The following TMEM196 variants were observed in gnomAD, a reference collection of about 807,000 sequenced individuals.
TMEM196 encodes the protein transmembrane protein 196.
In TMEM196, 17 loss-of-function variants were observed where a neutral mutation model predicts 20.0. The observed-to-expected ratio is 0.85, with a 90% CI of 0.58 to 1.27. TMEM196 has a LOEUF of 1.27. Ranked by LOEUF, TMEM196 falls within the 50% of genes most tolerant of loss-of-function variation. The pLI, the probability that TMEM196 is intolerant of heterozygous loss-of-function variation, is 0.00. For synonymous variants in TMEM196, 113 were observed against 88.9 expected (o/e 1.27, Z -1.52); for missense variants, 267 against 223.0 (o/e 1.20, Z -1.26).
In TMEM196 at chr7:19,724,365, A is replaced by G. The variant is rs1233103703; in HGVS notation, c.460-12T>C. The G allele has an allele frequency of 6.5e-7, 1 of 1,549,130 alleles. No homozygotes were observed. Among genetic ancestry groups the G allele is most frequent in the Non-Finnish European group, 8.7e-7 (1 of 1,145,708 alleles). On this transcript the variant is annotated splice_polypyrimidine_tract_variant and intron_variant, in intron 3 of 4. Coordinates refer to ENST00000405844, the MANE Select transcript of TMEM196 (RefSeq NM_001363562.2). ...ATAGCCCTCAATCTCTAATGTAAAT[A>G]TAACAATCATACAATAAATATTGCA... is the stretch of plus-strand genomic sequence containing the variant.
At chr7:19,736,337 T>G (rs964200442) in intron 1 of TMEM196, among the ~76,000 whole-genome samples, 1 of 111,240 alleles carries the variant, frequency 9.0e-6, no homozygotes. Flanking sequence ...AGATCCCACT[T>G]TTCTAGTGGT....
chr7:19,760,764 T>C (rs1449561706), intron 1 of TMEM196, among the ~76,000 whole-genome samples: 1 of 152,220 alleles, frequency 6.6e-6, no homozygotes, highest in African/African-American at 2.4e-5. Flanking sequence ...TCAGGGATTA[T>C]GGTTATTTTA....
At chr7:19,762,825 G>C (rs1785487908) in intron 1 of TMEM196, among the ~76,000 whole-genome samples, 2 of 152,128 alleles carry the variant, frequency 1.3e-5, no homozygotes, top group African/African-American at 4.8e-5. Flanking sequence ...AGGGGATTAA[G>C]GAATGGAAGT....
chr7:19,730,307 T>C (rs1027685013), intron 1 of TMEM196, among the ~76,000 whole-genome samples: 2 of 151,254 alleles, frequency 1.3e-5, no homozygotes, highest in Admixed American at 6.6e-5. Flanking sequence ...ATTGATAGCA[T>C]ATTATTTCTT....
intron 1 of TMEM196, among the ~76,000 whole-genome samples, chr7:19,736,136 C>A (rs1784391032): frequency 1.3e-5 from 2 of 151,778 alleles, no homozygotes; most frequent in Non-Finnish European, 2.9e-5. Context: ...TACTCTACTT[C>A]ACTCACCTTT....
intron 1 of TMEM196, among the ~76,000 whole-genome samples, chr7:19,753,927 GC>G (rs1785096462): frequency 1.3e-5 from 2 of 152,080 alleles, no homozygotes; most frequent in South Asian, 4.2e-4. Context: ...TTCCAGGTTT[GC>G]CACCGAAGGC....
intron 1 of TMEM196, among the ~76,000 whole-genome samples, chr7:19,746,331 G>T (rs539739487): frequency 6.6e-6 from 1 of 152,286 alleles, no homozygotes; most frequent in African/African-American, 2.4e-5. Context: ...GATAAGACTG[G>T]TACAAATCTG....
intron 1 of TMEM196, among the ~76,000 whole-genome samples, chr7:19,757,681 C>T (rs1173586899): frequency 6.6e-6 from 1 of 151,874 alleles, no homozygotes; most frequent in Non-Finnish European, 1.5e-5. Flanking sequence ...TAAAGTTACT[C>T]CTTTTTTTTA....
chr7:19,748,274 A>G (rs1190180869), intron 1 of TMEM196, among the ~76,000 whole-genome samples: 1 of 149,166 alleles, frequency 6.7e-6, no homozygotes, highest in Non-Finnish European at 1.5e-5. Flanking sequence ...AAAAAAAAAA[A>G]AAAAAAAAAA....
intron 1 of TMEM196, among the ~76,000 whole-genome samples, chr7:19,741,452 C>T (rs547474955): frequency 9.2e-5 from 14 of 152,266 alleles, no homozygotes; most frequent in African/African-American, 3.1e-4. Flanking sequence ...AGGCACATAA[C>T]TGGGTGCAAT....
At chr7:19,734,448 T>C (rs1784325714) in intron 1 of TMEM196, among the ~76,000 whole-genome samples, 2 of 152,178 alleles carry the variant, frequency 1.3e-5, no homozygotes, top group South Asian at 4.1e-4. Flanking sequence ...GCCAATGTGA[T>C]TGAATTAAGT....
intron 1 of TMEM196, among the ~76,000 whole-genome samples, chr7:19,740,407 G>C (rs1784544789): frequency 6.6e-6 from 1 of 152,122 alleles, no homozygotes; most frequent in Non-Finnish European, 1.5e-5. Flanking sequence ...ACCTGATCAA[G>C]GGGACTGAAC....
chr7:19,758,295 G>A (rs916168849), intron 1 of TMEM196, among the ~76,000 whole-genome samples: 1 of 152,104 alleles, frequency 6.6e-6, no homozygotes, highest in Non-Finnish European at 1.5e-5. Context: ...TGCCAAAATT[G>A]GTGTAGAAAG....
At chr7:19,723,552 G>C in intron 4 of TMEM196, among the ~76,000 whole-genome samples, 1 of 152,134 alleles carries the variant, frequency 6.6e-6, no homozygotes, top group Non-Finnish European at 1.5e-5. Flanking sequence ...GGAAAGAAGA[G>C]TGAAAATTCG....
chr7:19,766,736 C>CAT (rs1001850751), intron 1 of TMEM196, among the ~76,000 whole-genome samples: 1 of 151,448 alleles, frequency 6.6e-6, no homozygotes, highest in African/African-American at 2.4e-5. Flanking sequence ...TACACACACA[C>CAT]ACACATCAAA....
At chr7:19,735,740 T>C (rs1784376898) in intron 1 of TMEM196, among the ~76,000 whole-genome samples, 1 of 152,136 alleles carries the variant, frequency 6.6e-6, no homozygotes, top group South Asian at 2.1e-4. Flanking sequence ...TTATAAAAGA[T>C]GACAGGCCAA....
chr7:19,767,621 A>G (rs1485748200), intron 1 of TMEM196, among the ~76,000 whole-genome samples: 4 of 152,090 alleles, frequency 2.6e-5, no homozygotes, highest in Non-Finnish European at 5.9e-5. Flanking sequence ...TTTGAACAAC[A>G]TTTTGAACAT....
At chr7:19,762,442 C>A (rs1382616529) in intron 1 of TMEM196, among the ~76,000 whole-genome samples, 2 of 151,994 alleles carry the variant, frequency 1.3e-5, no homozygotes, top group Non-Finnish European at 2.9e-5. Context: ...CTAGTTACTG[C>A]AGTAACTTAA....
intron 1 of TMEM196, among the ~76,000 whole-genome samples, chr7:19,743,734 A>G (rs926046008): frequency 1.3e-5 from 2 of 152,124 alleles, no homozygotes; most frequent in African/African-American, 4.8e-5. Context: ...TTAAGTTCAA[A>G]CTGGTTTTAA....
Sources: gnomAD v4.1 joint callset for allele counts (sites outside exome capture counted in the v4.1 genomes callset) on GRCh38, gnomAD v4.1.1 for gene constraint, MANE v1.5 for transcripts, NCBI Gene and HGNC (gene_info 2026-07-23, HGNC 2026-07-21) for gene names.